The following SAMSN1 variants were observed in gnomAD, a reference collection of about 807,000 sequenced individuals.
SAMSN1 encodes SAM domain-containing protein SAMSN-1.
SAMSN1 carries 31 observed loss-of-function variants against 42.0 expected under a neutral mutation model. The ratio of observed to expected loss-of-function variants is 0.74; its 90% confidence interval spans 0.55 to 1.00. The LOEUF (loss-of-function observed/expected upper bound fraction) is 1.00. SAMSN1 is among the 50% of genes least tolerant of loss of function. The pLI, the probability that SAMSN1 is intolerant of heterozygous loss-of-function variation, is 0.00. For missense variants in SAMSN1, 464 were observed against 439.4 expected, an observed-to-expected ratio of 1.06 and a Z score of -0.50; for synonymous variants, 178 against 151.9, an observed-to-expected ratio of 1.17 and a Z score of -1.26.
At position 14,517,041 on chromosome 21, in the gene SAMSN1, C is replaced by G. The variant is rs1600884549; in HGVS notation, c.130G>C (p.Ala44Pro). ...SLSKPDDSTE[A>P]HEGDPTNGSG... ...CCATTTGTGGGATCTCCTTCATGTG[C>G]CTAGTTTAGAATTGTTTACAAAAGA... The change falls in exon 3 of 8, where the codon GCA (alanine) becomes CCA (proline). Residue 44 changes from alanine (A) to proline (P), a missense_variant and splice_region_variant. Coordinates refer to ENST00000400566, the MANE Select transcript of SAMSN1 (RefSeq NM_022136.5). 4 of 1,606,934 alleles carry G rather than the reference C, an allele frequency of 2.5e-6. No individual in the cohort carries two copies. Among genetic ancestry groups the G allele is most frequent in the Non-Finnish European group, 3.4e-6 (4 of 1,177,302 alleles).
intron 7 of SAMSN1, among the ~76,000 whole-genome samples, chr21:14,491,640 T>C (rs142273922): frequency 1.7e-4 from 26 of 152,348 alleles, no homozygotes; most frequent in African/African-American, 6.0e-4. Context: ...TATTATTCTT[T>C]GTCTAATTCA....
upstream of SAMSN1, among the ~76,000 whole-genome samples, chr21:14,547,779 C>A (rs978537743): frequency 6.6e-6 from 1 of 152,114 alleles, no homozygotes; most frequent in African/African-American, 2.4e-5. Context: ...CTATTATGTG[C>A]AATTTGACAA....
At chr21:14,596,968 T>G (rs1426288812) in intron 6 of SAMSN1, among the ~76,000 whole-genome samples, 1 of 152,172 alleles carries the variant, frequency 6.6e-6, no homozygotes, top group African/African-American at 2.4e-5. Context: ...TCAATAGATT[T>G]GTAATACAAT....
intron 1 of SAMSN1, among the ~76,000 whole-genome samples, chr21:14,649,135 T>C (rs979363079): frequency 2.6e-5 from 4 of 151,512 alleles, no homozygotes; most frequent in South Asian, 2.1e-4. Context: ...ATGGATGAAA[T>C]TGGAAATCAT....
upstream of SAMSN1, chr21:14,658,894 T>C: frequency 1.5e-6 from 1 of 662,914 alleles, no homozygotes; most frequent in Non-Finnish European, 2.8e-6. Context: ...GTAAAATCCC[T>C]GCCATAATCC....
chr21:14,599,755 C>A (rs1288616341), intron 6 of SAMSN1, among the ~76,000 whole-genome samples: 2 of 152,106 alleles, frequency 1.3e-5, no homozygotes, highest in African/African-American at 4.8e-5. Flanking sequence ...CAGCCTGAGA[C>A]CTTCACCAAA....
At chr21:14,517,089 A>G (rs910930543) in intron 2 of SAMSN1, 48 bp from the exon 3 acceptor site, 1 of 1,524,736 alleles carries the variant, frequency 6.6e-7, no homozygotes, top group Non-Finnish European at 8.9e-7. Flanking sequence ...GCAATAAAAA[A>G]CATTGATCTG....
chr21:14,575,799 T>C (rs1981440848), intron 2 of SAMSN1, among the ~76,000 whole-genome samples: 1 of 152,166 alleles, frequency 6.6e-6, no homozygotes, highest in South Asian at 2.1e-4. Context: ...ATGGAATCCG[T>C]GAATTGTTTT....
At chr21:14,543,780 C>G (rs1304876561) in intron 1 of SAMSN1, among the ~76,000 whole-genome samples, 1 of 151,718 alleles carries the variant, frequency 6.6e-6, no homozygotes, top group Non-Finnish European at 1.5e-5. Flanking sequence ...AAAAAAAAAC[C>G]ACAAAAACAA....
chr21:14,580,617 C>G (rs1002444865), intron 2 of SAMSN1, among the ~76,000 whole-genome samples: 1 of 152,214 alleles, frequency 6.6e-6, no homozygotes, highest in Admixed American at 6.5e-5. Flanking sequence ...TAATGTTGGT[C>G]AGTTTCATCA....
In SAMSN1 at chr21:14,485,316, A is replaced by G. The variant is rs989947264; in HGVS notation, c.*596T>C. On this transcript the variant is annotated 3_prime_UTR_variant, in exon 8 of 8. Coordinates refer to ENST00000400566, the MANE Select transcript of SAMSN1 (RefSeq NM_022136.5). ...CACTTAAAGACAAAACATTTCCACA[A>G]TTATTACAATTGGTTTCACTAAATC... 18 of 152,374 alleles carry G rather than the reference A, an allele frequency of 1.2e-4. No individual in the cohort carries two copies. The highest frequency in any genetic ancestry group is 4.1e-4 in the African/African-American group (17 of 41,582). 9.4% of individuals were successfully genotyped at this position (152,374 alleles called of 1,614,324 possible).
At chr21:14,592,639 C>T in intron 7 of SAMSN1, 2 of 381,312 alleles carry the variant, frequency 5.2e-6, no homozygotes, top group East Asian at 8.4e-5. Flanking sequence ...AATTCTTGAG[C>T]CTTAGAAAAA....
intron 2 of SAMSN1, among the ~76,000 whole-genome samples, chr21:14,572,783 G>T (rs974737592): frequency 6.6e-6 from 1 of 152,112 alleles, no homozygotes; most frequent in Non-Finnish European, 1.5e-5. Context: ...GGGAGCTGAT[G>T]TCTCCATTTT....
At chr21:14,508,435 G>A (rs1389018364) in intron 5 of SAMSN1, among the ~76,000 whole-genome samples, 3 of 152,060 alleles carry the variant, frequency 2.0e-5, no homozygotes, top group African/African-American at 7.2e-5. Context: ...TACACAAATG[G>A]CCAACAAACA....
intron 5 of SAMSN1, among the ~76,000 whole-genome samples, chr21:14,508,357 G>GAA (rs113146265): frequency 1.3e-5 from 2 of 148,924 alleles, no homozygotes; most frequent in African/African-American, 4.9e-5. Context: ...AAATCAACAA[G>GAA]AAAAAAAAAC....
chr21:14,622,669 G>A (rs550559775), intron 2 of SAMSN1, among the ~76,000 whole-genome samples: 1 of 152,204 alleles, frequency 6.6e-6, no homozygotes, highest in Non-Finnish European at 1.5e-5. Flanking sequence ...GTGACGGGGA[G>A]AATGGAACCA....
At chr21:14,632,264 C>T (rs1188975967) in intron 2 of SAMSN1, among the ~76,000 whole-genome samples, 1 of 151,876 alleles carries the variant, frequency 6.6e-6, no homozygotes, top group Non-Finnish European at 1.5e-5. Flanking sequence ...TCCCTGCAAA[C>T]TTAGAGTATG....
At chr21:14,534,591 C>CT (rs1979483270) in intron 1 of SAMSN1, among the ~76,000 whole-genome samples, 1 of 151,742 alleles carries the variant, frequency 6.6e-6, no homozygotes, top group African/African-American at 2.4e-5. Context: ...TCTCGGCTCA[C>CT]TGCAAGCTCC....
chr21:14,610,738 G>A (rs978897727), intron 4 of SAMSN1, among the ~76,000 whole-genome samples: 7 of 152,098 alleles, frequency 4.6e-5, no homozygotes, highest in Non-Finnish European at 1.0e-4. Context: ...TTGAATTATC[G>A]GTGGCGGGTT....
Sources: allele counts gnomAD v4.1 joint callset (sites outside exome capture counted in the v4.1 genomes callset), GRCh38; gene constraint gnomAD v4.1.1; transcripts MANE v1.5; gene names NCBI Gene and HGNC (gene_info 2026-07-23, HGNC 2026-07-21).